Variants in PLCB4 observed in about 807,000 individuals in gnomAD.
PLCB4 encodes 1-phosphatidylinositol 4,5-bisphosphate phosphodiesterase beta-4.
PLCB4 carries 77 observed loss-of-function variants against 178.8 expected under a neutral mutation model. The ratio of observed to expected loss-of-function variants is 0.43; its 90% CI spans 0.36 to 0.52. PLCB4 has a LOEUF of 0.52. Ranked by LOEUF, PLCB4 falls within the 20% of genes least tolerant of loss-of-function variation. The pLI, the probability that PLCB4 is intolerant of heterozygous loss-of-function variation, is 0.00. For missense variants in PLCB4, 1,024 were observed against 1,453.4 expected (o/e 0.70, Z 4.80); for synonymous variants, 496 against 490.8 (o/e 1.01, Z -0.14).
chr20:9,436,255 A>C (rs566467119), intron 29 of PLCB4, among the ~76,000 whole-genome samples: 1 of 152,348 alleles, frequency 6.6e-6, no homozygotes, highest in Non-Finnish European at 1.5e-5. Flanking sequence ...ATTTCAGATA[A>C]GGGATATTCA....
intron 13 of PLCB4, among the ~76,000 whole-genome samples, chr20:9,381,259 G>T (rs2037117747): frequency 6.6e-6 from 1 of 152,320 alleles, no homozygotes; most frequent in African/African-American, 2.4e-5. Flanking sequence ...TTGGCAGGAG[G>T]TGATATGATT....
intron 7 of PLCB4, among the ~76,000 whole-genome samples, chr20:9,347,130 G>T (rs2033877390): frequency 1.3e-5 from 2 of 152,302 alleles, no homozygotes; most frequent in South Asian, 4.1e-4. Flanking sequence ...CCAGGGAAAT[G>T]ATGTGAATAG....
At chr20:9,367,069 G>A (rs1014198996) in intron 9 of PLCB4, among the ~76,000 whole-genome samples, 2 of 152,116 alleles carry the variant, frequency 1.3e-5, no homozygotes, top group Non-Finnish European at 2.9e-5. Context: ...ATTCTGCTCT[G>A]CAGCTTCCAT....
intron 3 of PLCB4, among the ~76,000 whole-genome samples, chr20:9,303,718 GGATCATTTAGTTC>G (rs1162159701): frequency 6.6e-6 from 1 of 152,024 alleles, no homozygotes; most frequent in Admixed American, 6.6e-5. Flanking sequence ...TGGGATTGCT[GGATCATTTAGTTC>G]CTCAAAAAAC....
chr20:9,453,585 T>G, intron 33 of PLCB4, 123 bp downstream of exon 33: 1 of 604,916 alleles, frequency 1.7e-6, no homozygotes, highest in Non-Finnish European at 2.9e-6. Context: ...TCATTAAAAA[T>G]TATTCCTGGG....
chr20:9,388,059 G>A (rs75417431), intron 15 of PLCB4, among the ~76,000 whole-genome samples: 12,494 of 151,942 alleles, frequency 0.082, 688 homozygotes, highest in African/African-American at 0.15. Context: ...ACCAACATGG[G>A]GAAACCCTGT....
At chr20:9,319,968 A>G (rs967645165) in intron 4 of PLCB4, among the ~76,000 whole-genome samples, 3 of 152,198 alleles carry the variant, frequency 2.0e-5, no homozygotes, top group African/African-American at 4.8e-5. Flanking sequence ...GACAAATGGT[A>G]TAAATGATCA....
At chr20:9,155,479 C>T (rs149420222) in intron 2 of PLCB4, among the ~76,000 whole-genome samples, 1 of 152,216 alleles carries the variant, frequency 6.6e-6, no homozygotes, top group East Asian at 1.9e-4. Context: ...GATTCAGGGC[C>T]TTTTTAGCTG....
intron 7 of PLCB4, among the ~76,000 whole-genome samples, chr20:9,359,801 C>A (rs1174544469): frequency 1.3e-5 from 2 of 152,142 alleles, no homozygotes; most frequent in Non-Finnish European, 2.9e-5. Flanking sequence ...TTTATTGCTT[C>A]TGTTAGTCTG....
chr20:9,441,523 A>C (rs2148664057), intron 30 of PLCB4, among the ~76,000 whole-genome samples: 1 of 152,266 alleles, frequency 6.6e-6, no homozygotes, highest in East Asian at 1.9e-4. Flanking sequence ...TGAAGAAGTG[A>C]CACCAGGGAG....
At chr20:9,230,305 G>T (rs781463507) in intron 3 of PLCB4, among the ~76,000 whole-genome samples, 4 of 152,072 alleles carry the variant, frequency 2.6e-5, no homozygotes, top group Non-Finnish European at 4.4e-5. Flanking sequence ...GTACTTGGGG[G>T]TTAAGGCTTC....
At chr20:9,120,743 C>T (rs546277168) in intron 2 of PLCB4, among the ~76,000 whole-genome samples, 31 of 90,110 alleles carry the variant, frequency 3.4e-4, no homozygotes, top group Non-Finnish European at 7.8e-4. Context: ...TGGGTTTCCA[C>T]GGCCAGGTGA....
intron 18 of PLCB4, among the ~76,000 whole-genome samples, 163 bp downstream of exon 18, chr20:9,393,841 A>C (rs887471855): frequency 2.6e-5 from 4 of 152,182 alleles, no homozygotes; most frequent in African/African-American, 9.7e-5. Context: ...TTTCCATTTA[A>C]ATTTAATTTC....
intron 3 of PLCB4, among the ~76,000 whole-genome samples, chr20:9,220,456 A>C (rs1245045118): frequency 6.6e-6 from 1 of 152,168 alleles, no homozygotes. Flanking sequence ...ACATGGTCAA[A>C]CCCTGTCTCT....
At chr20:9,460,844 C>T (rs2043343579) in intron 35 of PLCB4, among the ~76,000 whole-genome samples, 1 of 152,216 alleles carries the variant, frequency 6.6e-6, no homozygotes, top group African/African-American at 2.4e-5. Flanking sequence ...AGTGTTTTTG[C>T]CCTGGTTTCC....
At chr20:9,370,940 C>G in intron 9 of PLCB4, 1 of 308,102 alleles carries the variant, frequency 3.2e-6, no homozygotes, top group East Asian at 5.3e-5. Flanking sequence ...AAATGTGTGT[C>G]CCTCCAGTGC....
Position 9,140,283 on chromosome 20 carries a change from C to T in PLCB4, c.-79+43941C>T, listed in dbSNP as rs531340182. On this transcript the variant is annotated intron_variant, in intron 2 of 39. Coordinates refer to ENST00000378473, the MANE Select transcript of PLCB4 (RefSeq NM_001377142.1). ...GGATTAAGCCACATCCCCTGTCCGT[C>T]TCCTTTTCCCTCATCTTGCTATCAC... Among the ~76,000 whole-genome samples the T allele has an allele frequency of 7.9e-5, 12 of 152,156 alleles. No individual in the cohort carries two copies. In the South Asian group the frequency reaches 2.3e-3, roughly 29 times the overall value.
At chr20:9,296,043 A>C (rs2147794180) in intron 3 of PLCB4, among the ~76,000 whole-genome samples, 1 of 152,320 alleles carries the variant, frequency 6.6e-6, no homozygotes, top group South Asian at 2.1e-4. Context: ...TGCACAGCAA[A>C]AGAAACTAGC....
intron 3 of PLCB4, among the ~76,000 whole-genome samples, chr20:9,229,439 T>C (rs2093907328): frequency 1.3e-5 from 2 of 152,022 alleles, no homozygotes; most frequent in South Asian, 4.1e-4. Context: ...GCCACATGTC[T>C]CCTGCTTGTG....
Sources: allele counts gnomAD v4.1 joint callset (sites outside exome capture counted in the v4.1 genomes callset), GRCh38; gene constraint gnomAD v4.1.1; transcripts MANE v1.5; gene names NCBI Gene and HGNC (gene_info 2026-07-23, HGNC 2026-07-21).